CDKAL1: variants seen among roughly 807,000 people sequenced by gnomAD.
The protein encoded by CDKAL1 is CDKAL1 threonylcarbamoyladenosine tRNA methylthiotransferase.
Under a neutral mutation model 68.2 loss-of-function variants are expected in CDKAL1, and 32 were observed. The ratio of observed to expected loss-of-function variants is 0.47; its 90% CI spans 0.35 to 0.63. The LOEUF (loss-of-function observed/expected upper bound fraction) is 0.63. CDKAL1 is among the 30% of genes least tolerant of loss of function. CDKAL1 has a pLI of 0.00. For missense variants in CDKAL1, 606 were observed against 696.7 expected (o/e 0.87, Z 1.47); for synonymous variants, 234 against 244.3 (o/e 0.96, Z 0.39).
intron 5 of CDKAL1, among the ~76,000 whole-genome samples, chr6:20,692,303 T>C (rs1385859202): frequency 1.3e-5 from 2 of 152,218 alleles, no homozygotes; most frequent in African/African-American, 2.4e-5. Context: ...CTCAGTTTGT[T>C]ACTCAACCTC....
intron 4 of CDKAL1, among the ~76,000 whole-genome samples, chr6:20,585,057 C>CTTT (rs11385529): frequency 3.2e-4 from 42 of 131,658 alleles, no homozygotes; most frequent in African/African-American, 6.6e-4. Context: ...AATCTTGTTT[C>CTTT]TTTTTTTTTT....
intron 11 of CDKAL1, among the ~76,000 whole-genome samples, chr6:21,014,395 A>T (rs867209951): frequency 6.6e-6 from 1 of 152,256 alleles, no homozygotes; most frequent in Middle Eastern, 3.4e-3. Context: ...CAAGGTCAGG[A>T]GATCAAGACC....
chr6:21,205,992 G>C (rs535251462), intron 15 of CDKAL1, among the ~76,000 whole-genome samples: 2 of 148,054 alleles, frequency 1.4e-5, no homozygotes, highest in East Asian at 3.9e-4. Flanking sequence ...CCGCCACCGC[G>C]CCCGGCTAAT....
At chr6:20,738,153 A>G (rs1309721082) in intron 5 of CDKAL1, among the ~76,000 whole-genome samples, 1 of 152,184 alleles carries the variant, frequency 6.6e-6, no homozygotes, top group East Asian at 1.9e-4. Context: ...GAGGGACCCA[A>G]TTGGGTACAT....
chr6:21,027,423 C>T (rs914151408), intron 11 of CDKAL1, among the ~76,000 whole-genome samples: 2 of 152,160 alleles, frequency 1.3e-5, no homozygotes, highest in Non-Finnish European at 2.9e-5. Flanking sequence ...GTTGTTTCTC[C>T]TGTCTTCAGT....
chr6:21,034,316 A>G (rs1194869302), intron 11 of CDKAL1, among the ~76,000 whole-genome samples: 1 of 152,144 alleles, frequency 6.6e-6, no homozygotes, highest in African/African-American at 2.4e-5. Flanking sequence ...TCAGTTAAGG[A>G]GCAGTGTTAT....
At chr6:20,766,719 T>C (rs1315052664) in intron 7 of CDKAL1, among the ~76,000 whole-genome samples, 1 of 152,236 alleles carries the variant, frequency 6.6e-6, no homozygotes, top group Non-Finnish European at 1.5e-5. Flanking sequence ...CTTTTACATG[T>C]GTATTTTAAT....
At chr6:20,592,332 A>G (rs547079183) in intron 4 of CDKAL1, among the ~76,000 whole-genome samples, 19 of 152,298 alleles carry the variant, frequency 1.2e-4, no homozygotes, top group Non-Finnish European at 2.1e-4. Flanking sequence ...CTCTCTTCCT[A>G]TTCGAATACC....
At chr6:20,714,502 C>G (rs1419769650) in intron 5 of CDKAL1, among the ~76,000 whole-genome samples, 2 of 149,662 alleles carry the variant, frequency 1.3e-5, no homozygotes, top group Non-Finnish European at 3.0e-5. Context: ...GATCCTCCCA[C>G]TTCAGCCTCC....
At chr6:20,730,431 A>C (rs1772860585) in intron 5 of CDKAL1, among the ~76,000 whole-genome samples, 2 of 146,126 alleles carry the variant, frequency 1.4e-5, no homozygotes, top group African/African-American at 5.0e-5. Context: ...AGAAAGGAAG[A>C]AAGAAAGAGA....
chr6:21,113,870 G>A (rs1443083020), intron 13 of CDKAL1, among the ~76,000 whole-genome samples: 1 of 151,784 alleles, frequency 6.6e-6, no homozygotes, highest in African/African-American at 2.4e-5. Flanking sequence ...AGCCCAGGCA[G>A]TCCAGGCTGC....
At chr6:20,671,652 T>C (rs1210663472) in intron 5 of CDKAL1, among the ~76,000 whole-genome samples, 1 of 152,186 alleles carries the variant, frequency 6.6e-6, no homozygotes, top group African/African-American at 2.4e-5. Context: ...AATCTACTTT[T>C]TTCTTTGTGT....
chr6:21,000,163 T>C (rs1437576478), intron 10 of CDKAL1, 64 bp from the exon 11 acceptor site: 2 of 1,326,876 alleles, frequency 1.5e-6, no homozygotes, highest in African/African-American at 2.9e-5. Flanking sequence ...GTGGTGTTGA[T>C]GTGAGGAAAA....
chr6:20,955,499 C>T lies in CDKAL1; in HGVS notation c.823C>T (p.Leu275=), dbSNP rs545822090. 1.2e-6 allele frequency: 2 copies of T among 1,614,146 alleles called. No individual in the cohort carries two copies. The highest frequency in any genetic ancestry group is 1.7e-5 in the Admixed American group (1 of 60,026). ...RDIGTNLPTL[L]WKLVEVIPEG... Reference sequence around the variant, plus strand: ...TATTGGCACCAATCTCCCCACACTCCTGTGGAAACTGGTTGAAGTGATTCC... The same window carrying T: ...TATTGGCACCAATCTCCCCACACTCTTGTGGAAACTGGTTGAAGTGATTCC... Residue 275 remains leucine (L), a synonymous_variant, in exon 10 of 16, where the codon CTG becomes TTG. Coordinates refer to ENST00000274695, the MANE Select transcript of CDKAL1 (RefSeq NM_017774.3).
chr6:20,902,215 G>A (rs1270878387), intron 9 of CDKAL1, among the ~76,000 whole-genome samples: 1 of 152,078 alleles, frequency 6.6e-6, no homozygotes, highest in Admixed American at 6.5e-5. Context: ...ATTTCCAAAG[G>A]ATCAGTAGCT....
chr6:21,164,440 G>A (rs1292597405), intron 13 of CDKAL1, among the ~76,000 whole-genome samples: 1 of 151,650 alleles, frequency 6.6e-6, no homozygotes, highest in Non-Finnish European at 1.5e-5. Flanking sequence ...CCCTATAGCA[G>A]CCACTGTAAC....
At chr6:20,581,245 T>A (rs1172643735) in intron 4 of CDKAL1, among the ~76,000 whole-genome samples, 2 of 152,190 alleles carry the variant, frequency 1.3e-5, no homozygotes. Context: ...ATTTTCCCAT[T>A]TACTAACTCA....
intron 4 of CDKAL1, among the ~76,000 whole-genome samples, chr6:20,618,763 C>T (rs1041672234): frequency 3.0e-4 from 46 of 152,154 alleles, no homozygotes; most frequent in Admixed American, 2.6e-3. Flanking sequence ...ACTCTAGCCT[C>T]GACTTCCCAG....
chr6:21,039,889 T>G (rs575310317), intron 11 of CDKAL1, among the ~76,000 whole-genome samples: 1 of 152,228 alleles, frequency 6.6e-6, no homozygotes, highest in Admixed American at 6.5e-5. Flanking sequence ...AGTTTTAATG[T>G]TGTATGTGGA....
Sources: allele counts gnomAD v4.1 joint callset (sites outside exome capture counted in the v4.1 genomes callset), GRCh38; gene constraint gnomAD v4.1.1; transcripts MANE v1.5; gene names NCBI Gene and HGNC (gene_info 2026-07-23, HGNC 2026-07-21).